The following SUPV3L1 variants were observed in gnomAD, a reference collection of about 807,000 sequenced individuals.
SUPV3L1 encodes the protein ATP-dependent RNA helicase SUPV3L1, mitochondrial.
A neutral mutation model predicts 70.0 loss-of-function variants in SUPV3L1; 35 were observed. The ratio of observed to expected loss-of-function variants is 0.50; its 90% confidence interval spans 0.38 to 0.66. SUPV3L1 has a LOEUF of 0.66. SUPV3L1 is among the 30% of genes least tolerant of loss of function. The pLI is 0.00. For synonymous variants in SUPV3L1, 364 were observed against 341.9 expected (o/e 1.06, Z -0.71); for missense variants, 777 against 961.5 (o/e 0.81, Z 2.54).
At chr10:69,192,066 C>G (rs545518084) in intron 6 of SUPV3L1, 212 of 201,856 alleles carry the variant, frequency 1.1e-3, no homozygotes, top group African/African-American at 4.7e-3. Flanking sequence ...CTCGGCCTCC[C>G]AAAGTACTGG....
At chr10:69,191,622 T>TTTAATG (rs758228994) in intron 5 of SUPV3L1, 33 bp from the exon 6 acceptor site, 1 of 1,565,192 alleles carries the variant, frequency 6.4e-7, no homozygotes, top group South Asian at 1.1e-5. Flanking sequence ...TGCATTATTT[T>TTTAATG]CAATAATTCT....
At position 69,200,346 on chromosome 10, in the gene SUPV3L1, A is replaced by G. The variant is rs746100224; in HGVS notation, c.1365A>G (p.Glu455=). 7.4e-6 allele frequency: 12 copies of G among 1,614,148 alleles called. No homozygotes were observed. Among genetic ancestry groups the G allele is most frequent in the Non-Finnish European group, 1.0e-5 (12 of 1,180,018 alleles). The change falls in exon 11 of 15, where the codon GAA becomes GAG. Residue 455 remains glutamate, a synonymous_variant. Transcript: ENST00000359655. ...GTATCAATGAAAAGGGAGAGAGAGA[A>G]CTAGAACCAATCACAACCTCTCAAG... The part of the protein sequence containing the change: ...KPSINEKGER[E]LEPITTSQAL...
At position 69,189,363 on chromosome 10, in the gene SUPV3L1, A is replaced by T. The variant is rs1164563156; in HGVS notation, c.669A>T (p.Ser223=). ...ATCACGCAATCCAGAAATACTTCTC[A>T]GCAAAGTCTGGAGTGTATTGTGGCC... ...KTYHAIQKYF[S]AKSGVYCGPL... is the part of the protein sequence containing the mutation. The change falls in exon 5 of 15, where the codon TCA becomes TCT. Residue 223 remains serine (S), a synonymous_variant. Coordinates refer to ENST00000359655, the MANE Select transcript of SUPV3L1 (RefSeq NM_003171.5). The T allele has an allele frequency of 1.2e-6, 2 of 1,614,152 alleles. No individual in the cohort carries two copies. The highest frequency in any genetic ancestry group is 1.7e-6 in the Non-Finnish European group (2 of 1,179,996).
chr10:69,204,170 A>G (rs988691374), intron 13 of SUPV3L1, among the ~76,000 whole-genome samples: 2 of 152,248 alleles, frequency 1.3e-5, no homozygotes, highest in Admixed American at 6.5e-5. Flanking sequence ...AGAAATCTAC[A>G]TAAGTGGTTA....
At chr10:69,203,663 C>CA (rs1307849343) in intron 13 of SUPV3L1, among the ~76,000 whole-genome samples, 12,313 of 88,616 alleles carry the variant, frequency 0.14, 616 homozygotes, top group South Asian at 0.24. Flanking sequence ...GACTCTGTCT[C>CA]AAAAAAAAAA....
chr10:69,183,657 G>A (rs1842132002), intron 1 of SUPV3L1, among the ~76,000 whole-genome samples: 1 of 152,078 alleles, frequency 6.6e-6, no homozygotes, highest in Admixed American at 6.6e-5. Context: ...ACTCCAGCCT[G>A]GGTGACAAGA....
Position 69,186,074 on chromosome 10 carries a change from A to T in SUPV3L1, c.349+10A>T, listed in dbSNP as rs746353466. ...GATTATGGACTTGATGGTAAGGCCC[A>T]AAACATCTTCATAGAGGTATTTTAT... is the stretch of plus-strand genomic sequence containing the variant. On this transcript the variant is annotated intron_variant, in intron 2 of 14. Transcript: ENST00000359655. The T allele has an allele frequency of 6.2e-7, 1 of 1,611,476 alleles. No individual in the cohort carries two copies. The highest frequency in any genetic ancestry group is 8.5e-7 in the Non-Finnish European group (1 of 1,178,332).
intron 11 of SUPV3L1, among the ~76,000 whole-genome samples, chr10:69,202,026 A>C (rs1258642912): frequency 6.7e-6 from 1 of 148,958 alleles, no homozygotes; most frequent in East Asian, 2.0e-4. Flanking sequence ...TTTTTAGTAG[A>C]GACGGGGTTT....
intron 4 of SUPV3L1, among the ~76,000 whole-genome samples, chr10:69,188,361 C>T (rs1035815242): frequency 6.6e-6 from 1 of 152,140 alleles, no homozygotes; most frequent in African/African-American, 2.4e-5. Flanking sequence ...GCTTGGGTTC[C>T]ACCTCCCTAT....
chr10:69,182,802 C>A, intron 1 of SUPV3L1: 1 of 588,212 alleles, frequency 1.7e-6, no homozygotes, highest in Non-Finnish European at 2.1e-6. Context: ...TTCCACTTAG[C>A]TTAGCAATCA....
intron 1 of SUPV3L1, chr10:69,182,427 CATT>C (rs1213259171): frequency 1.3e-5 from 10 of 759,866 alleles, no homozygotes; most frequent in Non-Finnish European, 1.6e-5. Flanking sequence ...AACAATTTTC[CATT>C]ATTTTATATT....
intron 1 of SUPV3L1, 43 bp from the exon 2 acceptor site, chr10:69,185,944 A>G (rs560988867): frequency 3.4e-6 from 5 of 1,475,372 alleles, no homozygotes; most frequent in South Asian, 1.2e-5. Flanking sequence ...TTCAGCATTT[A>G]TCTAAGATAA....
intron 5 of SUPV3L1, 29 bp downstream of exon 5, chr10:69,189,464 T>C: frequency 6.5e-7 from 1 of 1,547,410 alleles, no homozygotes; most frequent in Non-Finnish European, 8.7e-7. Flanking sequence ...ATTTGCTCAT[T>C]TTTTTCTTAA....
intron 1 of SUPV3L1, 106 bp from the exon 2 acceptor site, chr10:69,185,881 A>C (rs1842212095): frequency 1.1e-5 from 9 of 807,658 alleles, no homozygotes. Flanking sequence ...TTCTTGCAAC[A>C]CTCATTAGAC....
intron 5 of SUPV3L1, 27 bp downstream of exon 5, chr10:69,189,462 AT>A: frequency 6.5e-7 from 1 of 1,544,414 alleles, no homozygotes; most frequent in Non-Finnish European, 8.7e-7. Context: ...ATATTTGCTC[AT>A]TTTTTTCTTA....
In SUPV3L1 at chr10:69,198,445, C is replaced by G; in HGVS notation, c.1097C>G (p.Pro366Arg). The change falls in exon 9 of 15, where the codon CCT becomes CGT. Residue 366 changes from proline to arginine, a missense_variant. Pro to Arg is a moderately radical substitution (Grantham distance 103, BLOSUM62 -2). Transcript: ENST00000359655. ...CTAGAATCTTTAGATAACCTTCGGC[C>G]TGGGGACTGCATTGTCTGTTTTAGC... ...HALESLDNLR[P>R]GDCIVCFSKN... The G allele has an allele frequency of 1.2e-6, 2 of 1,614,018 alleles. No homozygotes were observed. The highest frequency in any genetic ancestry group is 1.7e-6 in the Non-Finnish European group (2 of 1,179,978).
intron 11 of SUPV3L1, among the ~76,000 whole-genome samples, chr10:69,201,611 G>A (rs985227988): frequency 2.0e-5 from 3 of 149,872 alleles, no homozygotes; most frequent in Non-Finnish European, 4.4e-5. Flanking sequence ...CACGGCTCAC[G>A]GTAACCCCAA....
intron 6 of SUPV3L1, among the ~76,000 whole-genome samples, chr10:69,194,917 A>G (rs184603568): frequency 7.5e-4 from 113 of 151,002 alleles, no homozygotes; most frequent in Admixed American, 1.7e-3. Context: ...TAACTGTATA[A>G]CTTAAGGCAA....
intron 5 of SUPV3L1, among the ~76,000 whole-genome samples, chr10:69,190,429 C>CTTT (rs67423329): frequency 0.041 from 6,198 of 149,516 alleles, 446 homozygotes; most frequent in African/African-American, 0.14. Flanking sequence ...TTTGCATTCT[C>CTTT]TTTTTTTTTT....
Sources: allele counts gnomAD v4.1 joint callset (sites outside exome capture counted in the v4.1 genomes callset), GRCh38; gene constraint gnomAD v4.1.1; transcripts MANE v1.5; gene names NCBI Gene and HGNC (gene_info 2026-07-23, HGNC 2026-07-21).